The following ZNF385B variants were observed in gnomAD, a reference collection of about 807,000 sequenced individuals.
The protein encoded by ZNF385B is zinc finger protein 533.
Under a neutral mutation model 39.2 loss-of-function variants are expected in ZNF385B, and 23 were observed. The observed-to-expected ratio is 0.59, with a 90% confidence interval of 0.42 to 0.83. The LOEUF (loss-of-function observed/expected upper bound fraction) is 0.83, where lower values mean the gene tolerates loss of function less well. Among genes scored for constraint, ZNF385B ranks in the 40% least tolerant of loss-of-function variants. The pLI is 0.00. For synonymous variants in ZNF385B, 205 were observed against 222.6 expected (o/e 0.92, Z 0.70); for missense variants, 552 against 598.9 (o/e 0.92, Z 0.82).
At chr2:179,603,397 G>T (rs1297486022) in intron 3 of ZNF385B, among the ~76,000 whole-genome samples, 1 of 152,188 alleles carries the variant, frequency 6.6e-6, no homozygotes, top group African/African-American at 2.4e-5. Context: ...TTGCAGTAGG[G>T]TCTGGTTCAG....
chr2:179,598,053 C>G (rs1688131061), intron 3 of ZNF385B, among the ~76,000 whole-genome samples: 1 of 152,086 alleles, frequency 6.6e-6, no homozygotes. Flanking sequence ...TACCCTGTTA[C>G]AAACTAGTTT....
chr2:179,512,806 G>A (rs2057782086), intron 5 of ZNF385B, among the ~76,000 whole-genome samples: 1 of 152,182 alleles, frequency 6.6e-6, no homozygotes, highest in African/African-American at 2.4e-5. Flanking sequence ...CTGCTCCCTG[G>A]CAAAGTTAAT....
Position 179,576,129 on chromosome 2 carries a change from C to T in ZNF385B, c.299-31160G>A, listed in dbSNP as rs891775942. Reference sequence around the variant, plus strand: ...ACCAGGTCTTACATGTGTAACCCTCCAAAACGTCTCAAATCCATCCCTGTG... The same window carrying T: ...ACCAGGTCTTACATGTGTAACCCTCTAAAACGTCTCAAATCCATCCCTGTG... On this transcript the variant is annotated intron_variant, in intron 3 of 9. Coordinates refer to ENST00000410066, the MANE Select transcript of ZNF385B (RefSeq NM_152520.6). 1.0e-5 allele frequency: 10 copies of T among 985,362 alleles called. No individual in the cohort carries two copies. The African/African-American group carries it at 1.4e-4, about 14-fold the overall frequency. 61.0% of individuals were successfully genotyped at this position (985,362 alleles called of 1,614,324 possible). A position where few individuals can be genotyped will look rare whatever the true frequency, so the allele number is the denominator to read the frequency against.
At chr2:179,498,591 G>T (rs1459452649) in intron 5 of ZNF385B, among the ~76,000 whole-genome samples, 1 of 151,870 alleles carries the variant, frequency 6.6e-6, no homozygotes, top group Non-Finnish European at 1.5e-5. Flanking sequence ...AATGATGAGT[G>T]GTTCAATGAA....
intron 3 of ZNF385B, among the ~76,000 whole-genome samples, chr2:179,727,980 A>C (rs1035850232): frequency 6.6e-6 from 1 of 152,108 alleles, no homozygotes. Flanking sequence ...CAATATGGGC[A>C]CTTCAAGATG....
intron 1 of ZNF385B, among the ~76,000 whole-genome samples, chr2:179,856,294 T>G (rs903826128): frequency 1.3e-5 from 2 of 152,136 alleles, no homozygotes; most frequent in African/African-American, 4.8e-5. Flanking sequence ...GACGGGGGCA[T>G]ACATCAGCAC....
chr2:179,542,991 G>A (rs981535832), intron 4 of ZNF385B, among the ~76,000 whole-genome samples: 1 of 152,190 alleles, frequency 6.6e-6, no homozygotes, highest in Non-Finnish European at 1.5e-5. Context: ...TAAATAAAGA[G>A]GTCAGAGCAA....
intron 3 of ZNF385B, among the ~76,000 whole-genome samples, chr2:179,670,223 C>A (rs1192144667): frequency 5.6e-5 from 8 of 142,952 alleles, no homozygotes; most frequent in Non-Finnish European, 1.5e-5. Context: ...ACCCGGGAGG[C>A]GGAGCTTGCA....
chr2:179,465,797 T>C (rs1250331641), intron 6 of ZNF385B, among the ~76,000 whole-genome samples: 1 of 152,208 alleles, frequency 6.6e-6, no homozygotes, highest in Non-Finnish European at 1.5e-5. Flanking sequence ...TATAATCCTC[T>C]TCACATAATT....
chr2:179,651,788 C>T (rs1693213935), intron 3 of ZNF385B, among the ~76,000 whole-genome samples: 1 of 152,086 alleles, frequency 6.6e-6, no homozygotes, highest in African/African-American at 2.4e-5. Context: ...GTATGATGAG[C>T]TGGTGTTAAC....
chr2:179,618,024 G>A (rs1689903305), intron 3 of ZNF385B, among the ~76,000 whole-genome samples: 1 of 152,054 alleles, frequency 6.6e-6, no homozygotes, highest in Non-Finnish European at 1.5e-5. Flanking sequence ...TCTGCCAATT[G>A]TAGCCTGAGA....
chr2:179,524,224 T>C (rs866600208), intron 4 of ZNF385B, among the ~76,000 whole-genome samples: 1 of 152,122 alleles, frequency 6.6e-6, no homozygotes, highest in African/African-American at 2.4e-5. Context: ...AGCTCTTCTA[T>C]TAAACAGAAA....
Position 179,748,034 on chromosome 2 carries a change from T to C in ZNF385B, c.298+21469A>G, listed in dbSNP as rs534216245. The stretch of plus-strand genomic sequence containing the variant: ...TGCAAGTAAGAGATTGTGGACTGTA[T>C]AAATGTTTACCTAAACTGCTAGAAA... On this transcript the variant is annotated intron_variant, in intron 3 of 9. Transcript: ENST00000410066. Among the ~76,000 whole-genome samples the C allele has an allele frequency of 2.6e-5, 4 of 152,262 alleles. No individual in the cohort carries two copies. In the South Asian group the frequency reaches 6.2e-4, roughly 24 times the overall value.
chr2:179,748,620 G>GA (rs1420720263), intron 3 of ZNF385B, among the ~76,000 whole-genome samples: 2 of 152,006 alleles, frequency 1.3e-5, no homozygotes, highest in African/African-American at 2.4e-5. Context: ...ATCAGTTTTA[G>GA]AAAAAAGTAG....
intron 3 of ZNF385B, among the ~76,000 whole-genome samples, chr2:179,724,065 T>C (rs1354917530): frequency 6.6e-6 from 1 of 152,120 alleles, no homozygotes; most frequent in Non-Finnish European, 1.5e-5. Context: ...TCACAGCACT[T>C]TGGGAGGCCA....
At chr2:179,671,310 A>G (rs1267746586) in intron 3 of ZNF385B, among the ~76,000 whole-genome samples, 3 of 152,202 alleles carry the variant, frequency 2.0e-5, no homozygotes, top group Non-Finnish European at 4.4e-5. Context: ...ATTAGCCTGC[A>G]CCATGGATGC....
At chr2:179,622,269 T>C (rs914061829) in intron 3 of ZNF385B, among the ~76,000 whole-genome samples, 2 of 152,188 alleles carry the variant, frequency 1.3e-5, no homozygotes, top group African/African-American at 4.8e-5. Context: ...CCAGAACTCA[T>C]TCAGGGTCGT....
intron 3 of ZNF385B, among the ~76,000 whole-genome samples, chr2:179,557,560 TTA>T (rs1559473164): frequency 4.8e-5 from 5 of 105,128 alleles, no homozygotes; most frequent in African/African-American, 1.0e-4. Flanking sequence ...TATATACATG[TTA>T]TATATGTATG....
rs2106069423 is a variant in ZNF385B at position 179,590,657 on chromosome 2, G to A, written c.299-45688C>T. Reference sequence around the variant, plus strand: ...AATCTCATCTTGAATTGTAATCCCTGTGTGTCAAGGGAGGGACCTTGTGGG... The same window carrying A: ...AATCTCATCTTGAATTGTAATCCCTATGTGTCAAGGGAGGGACCTTGTGGG... On this transcript the variant is annotated intron_variant, in intron 3 of 9. Transcript: ENST00000410066. 1.3e-5 allele frequency among the ~76,000 whole-genome samples: 2 copies of A among 152,230 alleles called. 1 individual carries two copies. The highest frequency in any genetic ancestry group is 3.9e-4 in the East Asian group (2 of 5,156).
Sources: gnomAD v4.1 joint callset for allele counts (sites outside exome capture counted in the v4.1 genomes callset) on GRCh38, gnomAD v4.1.1 for gene constraint, MANE v1.5 for transcripts, NCBI Gene and HGNC (gene_info 2026-07-23, HGNC 2026-07-21) for gene names.